RBM20: variants seen among roughly 807,000 people sequenced by gnomAD.
RBM20 encodes the protein RNA-binding protein 20.
A neutral mutation model predicts 110.1 loss-of-function variants in RBM20; 51 were observed. The ratio of observed to expected loss-of-function variants is 0.46; its 90% CI spans 0.37 to 0.59. The LOEUF (loss-of-function observed/expected upper bound fraction) is 0.59. Among genes scored for constraint, RBM20 ranks in the 20% least tolerant of loss-of-function variants. The pLI, the probability that RBM20 is intolerant of heterozygous loss-of-function variation, is 0.00. For missense variants in RBM20, 1,512 were observed against 1,574.9 expected, an observed-to-expected ratio of 0.96 and a Z score of 0.68; for synonymous variants, 589 against 618.2, an observed-to-expected ratio of 0.95 and a Z score of 0.70.
intron 2 of RBM20, 133 bp from the exon 3 acceptor site, chr10:110,783,233 G>A (rs1321027284): frequency 1.5e-6 from 1 of 655,336 alleles, no homozygotes; most frequent in Non-Finnish European, 2.9e-6. Flanking sequence ...GAAGGGTGGA[G>A]GGATGTGTCT....
At chr10:110,792,793 T>G (rs1844501235) in intron 5 of RBM20, among the ~76,000 whole-genome samples, 1 of 152,202 alleles carries the variant, frequency 6.6e-6, no homozygotes, top group Non-Finnish European at 1.5e-5. Flanking sequence ...TGCTTGGAGC[T>G]TATCTTTAGT....
Position 110,781,703 on chromosome 10 carries a change from G to A in RBM20, c.1094G>A (p.Gly365Glu), listed in dbSNP as rs543414280. The A allele has an allele frequency of 6.4e-7, 1 of 1,550,850 alleles. No homozygotes were observed. Among genetic ancestry groups the A allele is most frequent in the South Asian group, 1.2e-5 (1 of 84,022 alleles). ...TCAGACAGGACACCTCCTTCCTTCG[G>A]GGGTCGGCTTAACAACAGCAAACAG... The part of the protein sequence containing the change: ...PTSDRTPPSF[G>E]GRLNNSKQGF... Residue 365 changes from glycine to glutamate, a missense_variant, in exon 2 of 14, where the codon GGG becomes GAG. This residue lies in a region of RBM20 where 1,149 missense variants were observed against 1,169.4 expected (regional missense o/e 0.98). Transcript: ENST00000369519.
chr10:110,718,318 A>G (rs1382857987), intron 1 of RBM20, among the ~76,000 whole-genome samples: 2 of 152,216 alleles, frequency 1.3e-5, no homozygotes, highest in African/African-American at 2.4e-5. Flanking sequence ...ACATTCAGGC[A>G]TCTTAGTTTT....
chr10:110,696,440 G>C (rs1422932030), intron 1 of RBM20, among the ~76,000 whole-genome samples: 1 of 152,206 alleles, frequency 6.6e-6, no homozygotes, highest in Admixed American at 6.5e-5. Flanking sequence ...AGGGGATTGA[G>C]CTGTCACGTC....
chr10:110,750,328 C>T (rs1004702268), intron 1 of RBM20, among the ~76,000 whole-genome samples: 2 of 152,292 alleles, frequency 1.3e-5, no homozygotes, highest in Admixed American at 1.3e-4. Flanking sequence ...CTTATCACTG[C>T]CATCAGCAAG....
intron 1 of RBM20, among the ~76,000 whole-genome samples, chr10:110,699,477 G>T (rs1166006679): frequency 6.6e-6 from 1 of 151,698 alleles, no homozygotes; most frequent in African/African-American, 2.4e-5. Context: ...TCACCATGTT[G>T]GTCAAGCTAG....
chr10:110,741,606 A>G (rs374757976), intron 1 of RBM20, among the ~76,000 whole-genome samples: 5 of 152,022 alleles, frequency 3.3e-5, no homozygotes, highest in African/African-American at 9.7e-5. Context: ...CCGAATCTCT[A>G]TCTTCTCTCC....
intron 7 of RBM20, among the ~76,000 whole-genome samples, chr10:110,803,773 G>T (rs17128013): frequency 2.9e-4 from 34 of 117,602 alleles, no homozygotes; most frequent in Non-Finnish European, 3.7e-4. Flanking sequence ...CTGTCTGCAC[G>T]TAACAGAAAT....
chr10:110,808,080 C>T (rs1447960246), intron 7 of RBM20, among the ~76,000 whole-genome samples: 2 of 152,228 alleles, frequency 1.3e-5, no homozygotes, highest in East Asian at 3.9e-4. Context: ...AGCTGGCTTT[C>T]CCTTGATGAT....
intron 1 of RBM20, among the ~76,000 whole-genome samples, chr10:110,673,304 T>G (rs1862288033): frequency 6.6e-6 from 1 of 152,126 alleles, no homozygotes; most frequent in South Asian, 2.1e-4. Context: ...CTCTGCTTCT[T>G]GGGTTCGAGC....
At chr10:110,696,775 TG>T (rs1317328327) in intron 1 of RBM20, among the ~76,000 whole-genome samples, 4 of 152,198 alleles carry the variant, frequency 2.6e-5, no homozygotes, top group African/African-American at 9.6e-5. Context: ...AAGCACACTC[TG>T]GAGAGGGTTT....
chr10:110,665,042 CT>C (rs1357246533), intron 1 of RBM20, among the ~76,000 whole-genome samples: 6 of 150,704 alleles, frequency 4.0e-5, no homozygotes, highest in Middle Eastern at 3.2e-3. Flanking sequence ...TGCCTGGCTA[CT>C]TTTTTTTTTC....
intron 1 of RBM20, among the ~76,000 whole-genome samples, chr10:110,687,995 TTGTGTGTGTGTGTGTG>T (rs60479740): frequency 1.6e-4 from 24 of 145,480 alleles, no homozygotes; most frequent in South Asian, 1.1e-3. Context: ...CTAAATGGTT[TTGTGTGTGTGTGTGTG>T]TGTGTGTGTG....
intron 1 of RBM20, among the ~76,000 whole-genome samples, chr10:110,772,189 T>C (rs1844202647): frequency 6.6e-6 from 1 of 152,228 alleles, no homozygotes; most frequent in Non-Finnish European, 1.5e-5. Flanking sequence ...CACATTTCAC[T>C]CTGAAAGCTG....
intron 5 of RBM20, among the ~76,000 whole-genome samples, chr10:110,786,522 C>T (rs867660535): frequency 1.1e-4 from 16 of 152,154 alleles, no homozygotes; most frequent in Middle Eastern, 3.2e-3. Context: ...ATAGGAGAAG[C>T]GCTTCGAGAG....
Position 110,665,562 on chromosome 10 carries a change from A to G in RBM20, c.191+20917A>G, listed in dbSNP as rs373569513. 1.2e-4 allele frequency among the ~76,000 whole-genome samples: 18 copies of G among 152,256 alleles called. No individual in the cohort carries two copies. In the East Asian group the frequency reaches 3.3e-3, roughly 28 times the overall value. On this transcript the variant is annotated intron_variant, in intron 1 of 13. Coordinates refer to ENST00000369519, the MANE Select transcript of RBM20 (RefSeq NM_001134363.3). Reference sequence around the variant, plus strand: ...TTATCTGTAGATTAAAAAGGACTTAAAATACTTATCAGCAAAATGTAGTAT... The same window carrying G: ...TTATCTGTAGATTAAAAAGGACTTAGAATACTTATCAGCAAAATGTAGTAT...
At chr10:110,807,633 G>A (rs1307543399) in intron 7 of RBM20, among the ~76,000 whole-genome samples, 1 of 152,196 alleles carries the variant, frequency 6.6e-6, no homozygotes, top group Non-Finnish European at 1.5e-5. Flanking sequence ...ACTCTGCCAT[G>A]GGTAATCTGC....
chr10:110,778,670 A>G (rs930086999), intron 1 of RBM20, among the ~76,000 whole-genome samples: 2 of 152,272 alleles, frequency 1.3e-5, no homozygotes, highest in Non-Finnish European at 2.9e-5. Context: ...CAAATGTCCC[A>G]GAATTCCAGT....
intron 1 of RBM20, among the ~76,000 whole-genome samples, chr10:110,658,493 G>C (rs1862058238): frequency 6.6e-6 from 1 of 152,172 alleles, no homozygotes; most frequent in African/African-American, 2.4e-5. Flanking sequence ...CCCGGGCTCA[G>C]AGCCAGGCCT....
Sources: allele counts gnomAD v4.1 joint callset (sites outside exome capture counted in the v4.1 genomes callset), GRCh38; gene constraint gnomAD v4.1.1; regional missense constraint gnomAD v4.1.1; transcripts MANE v1.5; gene names NCBI Gene and HGNC (gene_info 2026-07-23, HGNC 2026-07-21).